MAPK8: variants seen among roughly 807,000 people sequenced by gnomAD.
MAPK8 encodes the protein JUN N-terminal kinase.
A neutral mutation model predicts 52.9 loss-of-function variants in MAPK8; 13 were observed. The ratio of observed to expected loss-of-function variants is 0.25; its 90% CI spans 0.16 to 0.39. MAPK8 has a LOEUF of 0.39. MAPK8 is among the 10% of genes least tolerant of loss of function. The pLI is 1.00. For missense variants in MAPK8, 300 were observed against 519.2 expected, an observed-to-expected ratio of 0.58 and a Z score of 4.10; for synonymous variants, 191 against 169.8, an observed-to-expected ratio of 1.12 and a Z score of -0.97.
chr10:48,426,317 A>G, intron 8 of MAPK8, 63 bp from the exon 9 acceptor site: 2 of 1,437,574 alleles, frequency 1.4e-6, no homozygotes, highest in South Asian at 1.4e-5. Flanking sequence ...CAAATTGCTG[A>G]AAGTTATTAA....
intron 1 of MAPK8, among the ~76,000 whole-genome samples, chr10:48,325,109 G>A (rs1284833248): frequency 1.3e-5 from 2 of 151,946 alleles, no homozygotes; most frequent in East Asian, 3.9e-4. Flanking sequence ...CCGAGTAGCT[G>A]GGACTACAGG....
chr10:48,380,350 A>G (rs549876443), intron 1 of MAPK8, among the ~76,000 whole-genome samples: 1 of 152,366 alleles, frequency 6.6e-6, no homozygotes, highest in South Asian at 2.1e-4. Flanking sequence ...TGTAACTCAA[A>G]GAAAGCTGAA....
In MAPK8 at chr10:48,401,655, G is replaced by GC; in HGVS notation, c.-4dup. The GC allele has an allele frequency of 6.2e-7, 1 of 1,609,836 alleles. No homozygotes were observed. Among genetic ancestry groups the GC allele is most frequent in the Non-Finnish European group, 8.5e-7 (1 of 1,178,448 alleles). ...GATGAAGCCATTAAATTAATTGCTT[G>GC]CCATCATGAGCAGAAGCAAGCGTGA... On this transcript the variant is annotated 5_prime_UTR_variant, in exon 2 of 12. Transcript: ENST00000374189.
intron 1 of MAPK8, among the ~76,000 whole-genome samples, chr10:48,361,740 C>T (rs987321345): frequency 7.2e-5 from 11 of 152,112 alleles, no homozygotes; most frequent in Non-Finnish European, 1.2e-4. Context: ...TCCCCTGGGG[C>T]GTAGGGGGGA....
In MAPK8 at chr10:48,306,695, C is replaced by T. The variant is rs1460120568; in HGVS notation, c.-176C>T. 7 of 151,394 alleles carry T rather than the reference C, an allele frequency of 4.6e-5. 1 individual carries two copies. The South Asian group carries it at 1.0e-3, about 22-fold the overall frequency. The allele number at this position is 151,394 out of a possible 1,614,324, so 9.4% of individuals were successfully genotyped here. ...CGTCTCTGTTACTCAGCCGAGCGGC[C>T]GAGGCCGGACGACGCGGCTTGGATT... On this transcript the variant is annotated 5_prime_UTR_variant, in exon 1 of 12. Transcript: ENST00000374189.
intron 7 of MAPK8, chr10:48,425,487 A>C (rs2043623223): frequency 2.7e-6 from 1 of 371,574 alleles, no homozygotes; most frequent in South Asian, 9.2e-5. Flanking sequence ...AATATTGTCT[A>C]GGAGATATAA....
intron 1 of MAPK8, among the ~76,000 whole-genome samples, chr10:48,374,254 G>C (rs865825971): frequency 6.6e-6 from 1 of 152,074 alleles, no homozygotes; most frequent in African/African-American, 2.4e-5. Context: ...ATGCCTAGAG[G>C]AAAATTTATA....
At chr10:48,337,067 A>T (rs538781861) in intron 1 of MAPK8, among the ~76,000 whole-genome samples, 57 of 152,326 alleles carry the variant, frequency 3.7e-4, no homozygotes, top group Non-Finnish European at 3.4e-4. Flanking sequence ...TGGACAGATC[A>T]CCGCAGAAAA....
At chr10:48,420,402 G>T (rs1019262428) in intron 6 of MAPK8, 82 bp downstream of exon 6, 2 of 1,288,454 alleles carry the variant, frequency 1.6e-6, no homozygotes, top group African/African-American at 3.0e-5. Flanking sequence ...AAATACTTAA[G>T]CAGAAGTACG....
At chr10:48,403,841 C>G (rs1404331329) in intron 2 of MAPK8, among the ~76,000 whole-genome samples, 1 of 151,676 alleles carries the variant, frequency 6.6e-6, no homozygotes, top group East Asian at 1.9e-4. Flanking sequence ...CTCCGCCTCC[C>G]GGGTTCACGC....
intron 1 of MAPK8, among the ~76,000 whole-genome samples, chr10:48,311,761 T>C (rs560177507): frequency 6.6e-6 from 1 of 152,336 alleles, no homozygotes; most frequent in South Asian, 2.1e-4. Context: ...TTATCTTTTC[T>C]GTATTTTCTG....
chr10:48,330,637 C>T (rs1402562732), intron 1 of MAPK8, among the ~76,000 whole-genome samples: 2 of 152,200 alleles, frequency 1.3e-5, no homozygotes, highest in African/African-American at 2.4e-5. Context: ...GATCAGGTGT[C>T]TGGTAGGCAG....
intron 2 of MAPK8, 77 bp from the exon 3 acceptor site, chr10:48,404,775 A>T: frequency 8.7e-7 from 1 of 1,145,328 alleles, no homozygotes; most frequent in South Asian, 1.5e-5. Context: ...TGAGAAATGT[A>T]TATGACTGTT....
In MAPK8 at chr10:48,401,782, G is replaced by A. The variant is rs770874861; in HGVS notation, c.122G>A (p.Cys41Tyr). The change falls in exon 2 of 12, where the codon TGC (cysteine) becomes TAC (tyrosine). Residue 41 changes from cysteine to tyrosine, a missense_variant and splice_region_variant. Around this residue, in one of 3 missense-constraint regions of MAPK8, gnomAD observed 147 missense variants for 328.1 expected, o/e 0.45. Coordinates refer to ENST00000374189, the MANE Select transcript of MAPK8 (RefSeq NM_001323329.2). ...PIGSGAQGIVCAAYDAILERN... is the reference protein window; with the variant it reads ...PIGSGAQGIVYAAYDAILERN... The stretch of plus-strand genomic sequence containing the variant: ...GGCTCAGGAGCTCAAGGAATAGTAT[G>A]GTAAGTGTTTACTTCCAAAAATTAG... 2.1e-6 allele frequency: 3 copies of A among 1,443,532 alleles called. No individual in the cohort carries two copies. The highest frequency in any genetic ancestry group is 3.0e-5 in the African/African-American group (2 of 67,478). The allele number at this position is 1,443,532 out of a possible 1,614,324, so 89.4% of individuals were successfully genotyped here.
At chr10:48,416,191 G>A (rs1037203655) in intron 5 of MAPK8, among the ~76,000 whole-genome samples, 1 of 152,208 alleles carries the variant, frequency 6.6e-6, no homozygotes, top group African/African-American at 2.4e-5. Flanking sequence ...TTCAGGGCAA[G>A]TCAGGATTGC....
intron 1 of MAPK8, among the ~76,000 whole-genome samples, chr10:48,321,089 G>T (rs1193272887): frequency 1.2e-4 from 11 of 93,998 alleles, no homozygotes; most frequent in South Asian, 3.9e-4. Flanking sequence ...CGTTGTAAGA[G>T]TTTTTTTTTT....
At chr10:48,406,172 G>C (rs1307478053) in intron 3 of MAPK8, among the ~76,000 whole-genome samples, 1 of 152,166 alleles carries the variant, frequency 6.6e-6, no homozygotes, top group African/African-American at 2.4e-5. Context: ...CCTTCAGAGA[G>C]GAAGAATGAC....
At chr10:48,420,786 T>C (rs531329339) in intron 6 of MAPK8, among the ~76,000 whole-genome samples, 1 of 152,318 alleles carries the variant, frequency 6.6e-6, no homozygotes, top group East Asian at 1.9e-4. Context: ...AGCTGATGGA[T>C]AATTAAGGTG....
At chr10:48,362,931 G>A (rs576440935) in intron 1 of MAPK8, among the ~76,000 whole-genome samples, 1 of 152,012 alleles carries the variant, frequency 6.6e-6, no homozygotes, top group African/African-American at 2.4e-5. Flanking sequence ...AGTATGGACA[G>A]GGTTTCACCA....
Sources: gnomAD v4.1 joint callset for allele counts (sites outside exome capture counted in the v4.1 genomes callset) on GRCh38, gnomAD v4.1.1 for gene constraint, gnomAD v4.1.1 regional missense constraint, MANE v1.5 for transcripts, NCBI Gene and HGNC (gene_info 2026-07-23, HGNC 2026-07-21) for gene names.